The following PABPC1L variants were observed in gnomAD, a reference collection of about 807,000 sequenced individuals.
PABPC1L encodes polyadenylate-binding protein 1-like.
Under a neutral mutation model 66.6 loss-of-function variants are expected in PABPC1L, and 31 were observed. That is an observed-to-expected ratio of 0.47 (90% CI 0.35 to 0.63). The LOEUF is 0.63. PABPC1L is among the 20% of genes least tolerant of loss of function. The pLI is 0.00. For synonymous variants in PABPC1L, 348 were observed against 335.1 expected, an observed-to-expected ratio of 1.04 and a Z score of -0.42; for missense variants, 722 against 848.8, an observed-to-expected ratio of 0.85 and a Z score of 1.86.
intron 12 of PABPC1L, 169 bp from the exon 13 acceptor site, chr20:44,937,892 T>A: frequency 3.4e-6 from 3 of 884,058 alleles, no homozygotes; most frequent in Non-Finnish European, 1.7e-6. Context: ...CCAGGCCCAG[T>A]CATTAAAAGT....
At chr20:44,937,909 T>G in intron 12 of PABPC1L, 152 bp from the exon 13 acceptor site, 1 of 1,007,680 alleles carries the variant, frequency 9.9e-7, no homozygotes, top group African/African-American at 1.7e-5. Context: ...AAGTACCTGA[T>G]GTTAGAAGAT....
chr20:44,917,211 C>G (rs567946563), intron 3 of PABPC1L, among the ~76,000 whole-genome samples: 1 of 152,160 alleles, frequency 6.6e-6, no homozygotes, highest in South Asian at 2.1e-4. Flanking sequence ...GTGACAGGGT[C>G]TTGCTATGTA....
chr20:44,936,540 C>T, intron 11 of PABPC1L, 97 bp from the exon 12 acceptor site: 2 of 1,015,226 alleles, frequency 2.0e-6, no homozygotes, highest in Non-Finnish European at 2.9e-6. Context: ...TCCCCTCCTC[C>T]AGTGCCTCCC....
At chr20:44,918,820 G>C in intron 3 of PABPC1L, 86 bp from the exon 4 acceptor site, 1 of 1,473,784 alleles carries the variant, frequency 6.8e-7, no homozygotes, top group Admixed American at 2.2e-5. Flanking sequence ...GCCTGGAGAA[G>C]GGCAGCAGTT....
At position 44,912,888 on chromosome 20, in the gene PABPC1L, C is replaced by G. The variant is rs202073809; in HGVS notation, c.387+35C>G. 91 of 1,555,144 alleles carry G rather than the reference C, an allele frequency of 5.9e-5. 1 individual carries two copies. The African/African-American group carries it at 1.2e-3, about 20-fold the overall frequency. Reference sequence around the variant, plus strand: ...GAAGGGTGTACGTCTTTGGGTAGATCGGTGTCAACTACCTGCCTGGTAGAG... The same window carrying G: ...GAAGGGTGTACGTCTTTGGGTAGATGGGTGTCAACTACCTGCCTGGTAGAG... On this transcript the variant is annotated intron_variant, in intron 2 of 14. Coordinates refer to ENST00000217073, the MANE Select transcript of PABPC1L (RefSeq NM_001372179.1).
intron 7 of PABPC1L, among the ~76,000 whole-genome samples, chr20:44,927,272 G>A (rs1030651116): frequency 6.6e-5 from 10 of 152,030 alleles, no homozygotes; most frequent in South Asian, 2.1e-4. Context: ...TTCATGGTAA[G>A]CTCTGCATAA....
At chr20:44,914,674 G>A (rs947720442) in intron 2 of PABPC1L, among the ~76,000 whole-genome samples, 9 of 152,160 alleles carry the variant, frequency 5.9e-5, no homozygotes, top group Admixed American at 3.9e-4. Flanking sequence ...ACAGAGAGAC[G>A]GGGCTGTTTC....
chr20:44,935,575 CTTGGCTTT>C, intron 11 of PABPC1L, 78 bp downstream of exon 11: 1 of 1,237,316 alleles, frequency 8.1e-7, no homozygotes, highest in Non-Finnish European at 1.1e-6. Context: ...GGTGTTGGGC[CTTGGCTTT>C]TTTTCTTTTC....
intron 7 of PABPC1L, 28 bp downstream of exon 7, chr20:44,924,284 C>G: frequency 6.6e-7 from 1 of 1,522,138 alleles, no homozygotes; most frequent in Non-Finnish European, 9.1e-7. Flanking sequence ...CTCCGGGGGA[C>G]AGCGTTCCCC....
intron 5 of PABPC1L, among the ~76,000 whole-genome samples, chr20:44,920,885 T>C (rs1029895444): frequency 6.6e-6 from 1 of 152,036 alleles, no homozygotes; most frequent in African/African-American, 2.4e-5. Context: ...TGATCTCAGC[T>C]CACTGCAACC....
Position 44,930,467 on chromosome 20 carries a change from C to T in PABPC1L, c.980C>T (p.Thr327Ile). 1 of 1,613,112 alleles carries T rather than the reference C, an allele frequency of 6.2e-7. No homozygotes were observed. Among genetic ancestry groups the T allele is most frequent in the South Asian group, 1.1e-5 (1 of 90,944 alleles). Residue 327 changes from threonine to isoleucine, a missense_variant, in exon 8 of 15, where the codon ACA becomes ATA. Transcript: ENST00000217073. The part of the protein sequence containing the change: ...YGVITSAKVM[T>I]EGGHSKGFGF... ...GTCTTGTCTTGCTTTTAGGTGATGA[C>T]AGAGGGTGGCCACAGCAAGGGGTTT...
intron 7 of PABPC1L, among the ~76,000 whole-genome samples, chr20:44,929,187 G>A (rs1282599710): frequency 2.6e-5 from 4 of 151,204 alleles, no homozygotes; most frequent in African/African-American, 9.7e-5. Flanking sequence ...CCTGGAGCCC[G>A]GGAGTTTGAG....
chr20:44,911,864 T>A (rs1305023876), intron 1 of PABPC1L, among the ~76,000 whole-genome samples: 1 of 152,200 alleles, frequency 6.6e-6, no homozygotes, highest in Non-Finnish European at 1.5e-5. Flanking sequence ...TGAAACTTGC[T>A]CCACTGTGTT....
rs753578917 is a variant in PABPC1L, at chr20:44,938,663, A to G, written c.1792-11A>G. ...GCTGCACTAAGCCCCCCCGCCACTC[A>G]TGTCTCACAGATAGACGAGGCAGTG... is the stretch of plus-strand genomic sequence containing the variant. On this transcript the variant is annotated splice_polypyrimidine_tract_variant and intron_variant, in intron 13 of 14. Transcript: ENST00000217073. The G allele has an allele frequency of 1.1e-5, 17 of 1,604,936 alleles. No homozygotes were observed. In the African/African-American group the frequency reaches 2.0e-4, roughly 19 times the overall value.
rs1568650238 is a variant in PABPC1L at position 44,931,108 on chromosome 20, CGTGGGGT to C, written c.1239+383_1239+389del. Among the ~76,000 whole-genome samples, 52 of 126,294 alleles carry C rather than the reference CGTGGGGT, an allele frequency of 4.1e-4. 1 individual carries two copies. Among genetic ancestry groups the C allele is most frequent in the Non-Finnish European group, 6.7e-4 (39 of 58,402 alleles). The allele number at this position is 126,294 out of a possible 152,430, so 82.9% of individuals were successfully genotyped here. A position where few individuals can be genotyped will look rare whatever the true frequency, so the allele number is the denominator to read the frequency against. ...CCCTCCCTTCCTTCCTTCCTTCCTTCGTGGGGTCTCCATGTCACCCAGGCTGGTGAGC... is the reference window on the plus strand; with the variant it reads ...CCCTCCCTTCCTTCCTTCCTTCCTTCCTCCATGTCACCCAGGCTGGTGAGC... On this transcript the variant is annotated intron_variant, in intron 8 of 14. Transcript: ENST00000217073.
rs917002225 is a variant in PABPC1L, at chr20:44,910,103, C to T, written c.-41C>T. ...GGTGAGCGCGGGGCTGCTGGGTGAC[C>T]CGGCTCCTGCTTGCCCCGCAGCCCC... On this transcript the variant is annotated 5_prime_UTR_variant, in exon 1 of 15. Coordinates refer to ENST00000217073, the MANE Select transcript of PABPC1L (RefSeq NM_001372179.1). 2.0e-6 allele frequency: 3 copies of T among 1,506,228 alleles called. No individual in the cohort carries two copies. The highest frequency in any genetic ancestry group is 1.8e-6 in the Non-Finnish European group (2 of 1,118,042). 93.3% of individuals were successfully genotyped at this position (1,506,228 alleles called of 1,614,324 possible).
chr20:44,917,041 T>C (rs2066742755), intron 3 of PABPC1L, among the ~76,000 whole-genome samples, 170 bp downstream of exon 3: 1 of 152,230 alleles, frequency 6.6e-6, no homozygotes, highest in Non-Finnish European at 1.5e-5. Context: ...TCTCAGGGAC[T>C]CTTTCCTCAC....
In PABPC1L at chr20:44,921,588, C is replaced by G; in HGVS notation, c.739-6C>G. 1 of 1,613,764 alleles carries G rather than the reference C, an allele frequency of 6.2e-7. No individual in the cohort carries two copies. The highest frequency in any genetic ancestry group is 1.1e-5 in the South Asian group (1 of 91,062). On this transcript the variant is annotated splice_region_variant and splice_polypyrimidine_tract_variant and intron_variant, in intron 5 of 14. Coordinates refer to ENST00000217073, the MANE Select transcript of PABPC1L (RefSeq NM_001372179.1). ...TACCAAGCATGTTCCCTCCTCCTTT[C>G]CCCAGGCCGTGGTCCATATGAACGG...
chr20:44,919,349 C>A, intron 5 of PABPC1L, 72 bp downstream of exon 5: 1 of 1,514,776 alleles, frequency 6.6e-7, no homozygotes, highest in Non-Finnish European at 9.1e-7. Context: ...GTCCCAGCTG[C>A]CTGTGGAGGG....
Sources: gnomAD v4.1 joint callset for allele counts (sites outside exome capture counted in the v4.1 genomes callset) on GRCh38, gnomAD v4.1.1 for gene constraint, MANE v1.5 for transcripts, NCBI Gene and HGNC (gene_info 2026-07-23, HGNC 2026-07-21) for gene names.